The following SOX5 variants were observed in gnomAD, a reference collection of about 807,000 sequenced individuals.
SOX5 encodes the protein transcription factor SOX-5.
Under a neutral mutation model 92.0 loss-of-function variants are expected in SOX5, and 9 were observed. That is an observed-to-expected ratio of 0.10 (90% CI 0.06 to 0.17). SOX5 has a LOEUF of 0.17. SOX5 is among the 10% of genes least tolerant of loss of function. SOX5 has a pLI of 1.00. For missense variants in SOX5, 642 were observed against 944.5 expected, an observed-to-expected ratio of 0.68 and a Z score of 4.20; for synonymous variants, 344 against 336.3, an observed-to-expected ratio of 1.02 and a Z score of -0.25.
At chr12:23,626,238 C>T (rs867595669) in intron 8 of SOX5, among the ~76,000 whole-genome samples, 1 of 151,922 alleles carries the variant, frequency 6.6e-6, no homozygotes, top group African/African-American at 2.4e-5. Flanking sequence ...ATCTAGTTGG[C>T]TATGCAGTTC....
rs1369477465 is a variant in SOX5, at chr12:23,534,519, T to C, written c.1992A>G (p.Gln664=). ...CAGTGGCAATGGGGATCTGTGCTTG[T>C]TGCCTGTCAAGAAAGGAATTTCCAA... ...QEMRQYFNVG[Q]QAQIPIATAG... The change falls in exon 15 of 15, where the codon CAA becomes CAG. Residue 664 remains glutamine, a synonymous_variant. Transcript: ENST00000451604. The C allele has an allele frequency of 1.2e-6, 2 of 1,607,784 alleles. No homozygotes were observed. The highest frequency in any genetic ancestry group is 1.3e-5 in the African/African-American group (1 of 74,780).
intron 6 of SOX5, among the ~76,000 whole-genome samples, chr12:23,718,509 G>A (rs1413601043): frequency 6.6e-6 from 1 of 152,172 alleles, no homozygotes; most frequent in African/African-American, 2.4e-5. Context: ...AACCTAAGTT[G>A]AACTAGGATG....
chr12:24,541,030 TTG>T (rs1320320964), intron 1 of SOX5, among the ~76,000 whole-genome samples: 2 of 152,212 alleles, frequency 1.3e-5, no homozygotes, highest in African/African-American at 4.8e-5. Context: ...CCTATTTTCA[TTG>T]TCAGATATTT....
intron 1 of SOX5, among the ~76,000 whole-genome samples, chr12:24,530,353 C>T (rs1213681606): frequency 6.6e-6 from 1 of 152,190 alleles, no homozygotes; most frequent in Non-Finnish European, 1.5e-5. Flanking sequence ...CCCTACAATG[C>T]TGTTTCTGAA....
intron 4 of SOX5, among the ~76,000 whole-genome samples, chr12:24,149,612 T>C (rs911359299): frequency 1.3e-5 from 2 of 152,162 alleles, no homozygotes; most frequent in African/African-American, 4.8e-5. Context: ...ACTGGCAGTT[T>C]CATAAAAAGT....
Position 23,831,957 on chromosome 12 carries a change from T to TACACACACACACACACACACAC in SOX5, c.481+14004_481+14025dup, listed in dbSNP as rs61053165. ...CATATGTAGGATCTGAAAGGGGAAC[T>TACACACACACACACACACACAC]ACACACACACACACACACACACACA... On this transcript the variant is annotated intron_variant, in intron 3 of 14. Transcript: ENST00000451604. Among the ~76,000 whole-genome samples, 157 of 142,828 alleles carry TACACACACACACACACACACAC rather than the reference T, an allele frequency of 1.1e-3. 1 individual carries two copies. Among genetic ancestry groups the TACACACACACACACACACACAC allele is most frequent in the African/African-American group, 3.9e-3 (147 of 37,828 alleles). 93.7% of individuals were successfully genotyped at this position (142,828 alleles called of 152,430 possible).
At chr12:24,008,434 A>T (rs532046931) in intron 4 of SOX5, among the ~76,000 whole-genome samples, 124 of 152,228 alleles carry the variant, frequency 8.1e-4, no homozygotes, top group Non-Finnish European at 1.5e-3. Flanking sequence ...GGGCCTAATT[A>T]TGTCAGTCAG....
intron 1 of SOX5, among the ~76,000 whole-genome samples, chr12:24,518,834 A>C (rs1256776933): frequency 2.0e-5 from 3 of 152,202 alleles, no homozygotes; most frequent in Non-Finnish European, 4.4e-5. Flanking sequence ...TGTAGGCTTT[A>C]AAAATCATTA....
At chr12:24,133,065 T>A (rs1266709504) in intron 4 of SOX5, among the ~76,000 whole-genome samples, 1 of 152,182 alleles carries the variant, frequency 6.6e-6, no homozygotes, top group African/African-American at 2.4e-5. Flanking sequence ...TATATAATAT[T>A]TCCAACACTG....
At chr12:23,573,536 C>T (rs1948687029) in intron 10 of SOX5, among the ~76,000 whole-genome samples, 1 of 152,140 alleles carries the variant, frequency 6.6e-6, no homozygotes, top group African/African-American at 2.4e-5. Flanking sequence ...CCCACTTGCT[C>T]TTCATTCTTA....
At chr12:24,489,661 T>C (rs184839574) in intron 1 of SOX5, among the ~76,000 whole-genome samples, 3 of 152,286 alleles carry the variant, frequency 2.0e-5, no homozygotes, top group East Asian at 3.9e-4. Flanking sequence ...ATAAAAAGAA[T>C]TGTTGAGCAG....
chr12:23,746,255 A>T (rs191468515), intron 4 of SOX5, among the ~76,000 whole-genome samples: 64 of 152,246 alleles, frequency 4.2e-4, no homozygotes, highest in African/African-American at 1.4e-3. Flanking sequence ...CTTGACTTTA[A>T]AAAAGTGGAA....
intron 10 of SOX5, among the ~76,000 whole-genome samples, chr12:23,567,758 C>A (rs959968408): frequency 1.3e-5 from 2 of 151,954 alleles, no homozygotes; most frequent in African/African-American, 4.8e-5. Context: ...GCCTGGCCTG[C>A]AATTTGATGT....
intron 3 of SOX5, among the ~76,000 whole-genome samples, chr12:23,809,228 G>A (rs2095833524): frequency 6.6e-6 from 1 of 152,100 alleles, no homozygotes; most frequent in Non-Finnish European, 1.5e-5. Flanking sequence ...AAACCTAAAA[G>A]AGGAACGGGC....
At chr12:23,804,192 A>T (rs1382754984) in intron 3 of SOX5, among the ~76,000 whole-genome samples, 1 of 152,194 alleles carries the variant, frequency 6.6e-6, no homozygotes, top group African/African-American at 2.4e-5. Context: ...TAAATATTAC[A>T]AGGAATAGAG....
intron 4 of SOX5, among the ~76,000 whole-genome samples, chr12:24,044,485 C>T (rs1369860281): frequency 6.6e-6 from 1 of 152,176 alleles, no homozygotes; most frequent in Non-Finnish European, 1.5e-5. Flanking sequence ...GGATCTTCCT[C>T]TAAGTATGTT....
chr12:23,801,385 G>A (rs2095656295), intron 3 of SOX5, among the ~76,000 whole-genome samples: 1 of 151,924 alleles, frequency 6.6e-6, no homozygotes, highest in Non-Finnish European at 1.5e-5. Context: ...ATTTAAACCT[G>A]CAGTTTTTTA....
At chr12:24,185,073 C>G (rs778340492) in intron 4 of SOX5, among the ~76,000 whole-genome samples, 1 of 152,044 alleles carries the variant, frequency 6.6e-6, no homozygotes, top group African/African-American at 2.4e-5. Flanking sequence ...TCACTGCCAG[C>G]CTGACACTGC....
intron 4 of SOX5, among the ~76,000 whole-genome samples, chr12:24,192,184 A>C (rs1956588838): frequency 1.3e-5 from 2 of 152,230 alleles, no homozygotes; most frequent in Admixed American, 1.3e-4. Flanking sequence ...TTTGGAAATG[A>C]TAGAGTTTGT....
Sources: allele counts gnomAD v4.1 joint callset (sites outside exome capture counted in the v4.1 genomes callset), GRCh38; gene constraint gnomAD v4.1.1; transcripts MANE v1.5; gene names NCBI Gene and HGNC (gene_info 2026-07-23, HGNC 2026-07-21).